Variants in HS3ST4 observed in about 807,000 individuals in gnomAD.
The protein encoded by HS3ST4 is heparan sulfate-glucosamine 3-sulfotransferase 4, also known as heparan sulfate glucosamine 3-O-sulfotransferase 4.
In HS3ST4, 17 loss-of-function variants were observed where a neutral mutation model predicts 29.2. That is an observed-to-expected ratio of 0.58 (90% CI 0.40 to 0.87). The LOEUF is 0.87. HS3ST4 is among the 40% of genes least tolerant of loss of function. The pLI is 0.00. For synonymous variants in HS3ST4, 314 were observed against 285.7 expected (o/e 1.10, Z -1.00); for missense variants, 627 against 634.5 (o/e 0.99, Z 0.13).
intron 1 of HS3ST4, among the ~76,000 whole-genome samples, chr16:26,087,356 C>A (rs2141786896): frequency 6.6e-6 from 1 of 152,284 alleles, no homozygotes; most frequent in Non-Finnish European, 1.5e-5. Flanking sequence ...ACCACCTGCT[C>A]ACGAGAGGCC....
intron 1 of HS3ST4, among the ~76,000 whole-genome samples, chr16:26,045,539 A>G (rs1015109319): frequency 6.6e-6 from 1 of 152,126 alleles, no homozygotes; most frequent in African/African-American, 2.4e-5. Context: ...CAGGCTCACC[A>G]GTGTAGACTG....
At chr16:25,973,273 G>A (rs1441174660) in intron 1 of HS3ST4, among the ~76,000 whole-genome samples, 1 of 152,218 alleles carries the variant, frequency 6.6e-6, no homozygotes, top group African/African-American at 2.4e-5. Flanking sequence ...GGAGTTTGGA[G>A]TTCATCTCCT....
chr16:26,110,762 T>A (rs1899117957), intron 1 of HS3ST4, among the ~76,000 whole-genome samples: 4 of 152,120 alleles, frequency 2.6e-5, no homozygotes, highest in Admixed American at 2.6e-4. Context: ...CTCACGGCAC[T>A]CAGAATAAAG....
At chr16:26,112,686 AG>A in intron 1 of HS3ST4, among the ~76,000 whole-genome samples, 1 of 152,238 alleles carries the variant, frequency 6.6e-6, no homozygotes, top group Non-Finnish European at 1.5e-5. Context: ...CAAATAAAAA[AG>A]AAAAAAAACA....
At chr16:25,900,762 C>T (rs572983618) in intron 1 of HS3ST4, among the ~76,000 whole-genome samples, 12 of 152,266 alleles carry the variant, frequency 7.9e-5, no homozygotes, top group Non-Finnish European at 1.5e-4. Context: ...TACCCCCAAA[C>T]TCCCGGCACT....
At chr16:25,726,835 G>A (rs970484468) in intron 1 of HS3ST4, among the ~76,000 whole-genome samples, 16 of 152,250 alleles carry the variant, frequency 1.1e-4, no homozygotes, top group Non-Finnish European at 1.9e-4. Context: ...TGTAGGTGAC[G>A]TTTAGCATTG....
intron 1 of HS3ST4, among the ~76,000 whole-genome samples, chr16:25,984,922 G>A (rs538296175): frequency 2.0e-4 from 30 of 152,318 alleles, no homozygotes; most frequent in African/African-American, 7.0e-4. Flanking sequence ...AGGTGTGGCA[G>A]GCAAACTCCT....
intron 1 of HS3ST4, among the ~76,000 whole-genome samples, chr16:25,821,127 G>T (rs1157192480): frequency 6.8e-6 from 1 of 147,314 alleles, no homozygotes; most frequent in Non-Finnish European, 1.5e-5. Context: ...GTGCGATCTC[G>T]GCTCACTGCA....
intron 1 of HS3ST4, among the ~76,000 whole-genome samples, chr16:25,827,372 G>T (rs1967229221): frequency 6.6e-6 from 1 of 152,112 alleles, no homozygotes; most frequent in South Asian, 2.1e-4. Flanking sequence ...ACACCTGCAG[G>T]TGTCTATGAC....
intron 1 of HS3ST4, among the ~76,000 whole-genome samples, chr16:25,921,759 CT>C (rs71385586): frequency 0.27 from 37,534 of 141,286 alleles, 5,158 homozygotes; most frequent in Non-Finnish European, 0.36. Context: ...TTTTTTTTTT[CT>C]TTTTTTTTTT....
chr16:25,801,001 G>A (rs1013946735), intron 1 of HS3ST4, among the ~76,000 whole-genome samples: 9 of 152,082 alleles, frequency 5.9e-5, no homozygotes, highest in Non-Finnish European at 1.0e-4. Flanking sequence ...TTACAGCCGC[G>A]TGAACAGACT....
intron 1 of HS3ST4, among the ~76,000 whole-genome samples, chr16:25,698,633 C>T (rs1004730109): frequency 6.6e-6 from 1 of 152,160 alleles, no homozygotes; most frequent in African/African-American, 2.4e-5. Flanking sequence ...TATCCTAGAG[C>T]AGAAATCCAA....
intron 1 of HS3ST4, among the ~76,000 whole-genome samples, chr16:25,872,946 T>A (rs893537836): frequency 3.9e-5 from 6 of 152,158 alleles, no homozygotes; most frequent in Non-Finnish European, 7.4e-5. Context: ...CTGGGCACTC[T>A]TTCTCATCTT....
chr16:25,994,610 T>A (rs1969143435), intron 1 of HS3ST4, among the ~76,000 whole-genome samples: 1 of 152,246 alleles, frequency 6.6e-6, no homozygotes, highest in Non-Finnish European at 1.5e-5. Flanking sequence ...TTGTTTTTAA[T>A]GCTGAGTCTA....
At chr16:26,128,839 G>A (rs1899380020) in intron 1 of HS3ST4, among the ~76,000 whole-genome samples, 1 of 152,092 alleles carries the variant, frequency 6.6e-6, no homozygotes, top group South Asian at 2.1e-4. Flanking sequence ...ATTGAATTTT[G>A]AGTTTCTTTC....
chr16:25,740,864 C>G (rs1966647023), intron 1 of HS3ST4, among the ~76,000 whole-genome samples: 1 of 152,082 alleles, frequency 6.6e-6, no homozygotes. Context: ...TGGAGTTCCC[C>G]TAATTATTTA....
At chr16:26,109,066 A>G (rs747879959) in intron 1 of HS3ST4, among the ~76,000 whole-genome samples, 89 of 152,192 alleles carry the variant, frequency 5.8e-4, no homozygotes, top group Non-Finnish European at 1.1e-3. Context: ...TAAGTGTGGG[A>G]TGAAACCAGA....
rs1440036849 is a variant in HS3ST4, at chr16:25,692,741, CG to C, written c.328del (p.Glu110SerfsTer40). The C allele has an allele frequency of 7.8e-7, 1 of 1,288,054 alleles. No individual in the cohort carries two copies. Among genetic ancestry groups the C allele is most frequent in the Non-Finnish European group, 9.8e-7 (1 of 1,022,102 alleles). The allele number at this position is 1,288,054 out of a possible 1,614,324, so 79.8% of individuals were successfully genotyped here. ...APPPLDNASH[G>X]EPPEPPEQPA... is the part of the protein sequence containing the mutation. ...CGCCGCCGCTGGACAACGCGAGCCA[CG>C]GGGAGCCGCCCGAGCCCCCAGAGCA... On this transcript the variant is annotated frameshift_variant, in exon 1 of 2. Coordinates refer to ENST00000331351, the MANE Select transcript of HS3ST4 (RefSeq NM_006040.3). LOFTEE classifies it high-confidence loss of function.
At chr16:25,702,037 TG>T (rs1470373556) in intron 1 of HS3ST4, among the ~76,000 whole-genome samples, 6 of 152,342 alleles carry the variant, frequency 3.9e-5, no homozygotes, top group African/African-American at 1.4e-4. Flanking sequence ...TCATCTTTAG[TG>T]GTTTAACACT....
Sources: allele counts gnomAD v4.1 joint callset (sites outside exome capture counted in the v4.1 genomes callset), GRCh38; gene constraint gnomAD v4.1.1; transcripts MANE v1.5; gene names NCBI Gene and HGNC (gene_info 2026-07-23, HGNC 2026-07-21).